Variants in FRAS1 observed in about 807,000 individuals in gnomAD.
FRAS1 encodes Fraser extracellular matrix complex subunit 1.
In FRAS1, 290 loss-of-function variants were observed where a neutral mutation model predicts 435.2. The ratio of observed to expected loss-of-function variants is 0.67; its 90% CI spans 0.61 to 0.73. The LOEUF is 0.73. Among genes scored for constraint, FRAS1 ranks in the 30% least tolerant of loss-of-function variants. FRAS1 has a pLI of 0.00. For missense variants in FRAS1, 4,860 were observed against 5,001.5 expected (o/e 0.97, Z 0.85); for synonymous variants, 1,800 against 1,851.0 (o/e 0.97, Z 0.71).
At chr4:78,470,901 A>C (rs1475274547) in intron 51 of FRAS1, among the ~76,000 whole-genome samples, 1 of 152,190 alleles carries the variant, frequency 6.6e-6, no homozygotes, top group Non-Finnish European at 1.5e-5. Flanking sequence ...CCTTGCACTC[A>C]TATTTATTGG....
chr4:78,435,965 T>C (rs577883526), intron 38 of FRAS1, among the ~76,000 whole-genome samples: 1 of 152,226 alleles, frequency 6.6e-6, no homozygotes, highest in East Asian at 1.9e-4. Context: ...TTTTATGATA[T>C]TAAGGAAGGG....
At chr4:78,129,072 C>A (rs796606060) in intron 2 of FRAS1, among the ~76,000 whole-genome samples, 1 of 152,086 alleles carries the variant, frequency 6.6e-6, no homozygotes, top group Admixed American at 6.6e-5. Context: ...TGTAGATATG[C>A]GGCATTATTT....
At chr4:78,307,719 C>T (rs112615251) in intron 14 of FRAS1, among the ~76,000 whole-genome samples, 225 of 152,358 alleles carry the variant, frequency 1.5e-3, no homozygotes, top group Non-Finnish European at 2.4e-3. Context: ...TCGGCTGGCG[C>T]ATGGTGCATG....
At chr4:78,112,405 A>C (rs368091141) in intron 2 of FRAS1, among the ~76,000 whole-genome samples, 1 of 152,012 alleles carries the variant, frequency 6.6e-6, no homozygotes, top group African/African-American at 2.4e-5. Context: ...GATTTATTTT[A>C]TTATTATTTT....
At chr4:78,124,902 G>A (rs1217836583) in intron 2 of FRAS1, among the ~76,000 whole-genome samples, 1 of 152,030 alleles carries the variant, frequency 6.6e-6, no homozygotes, top group Non-Finnish European at 1.5e-5. Context: ...AGTCTTGCTA[G>A]TGGTCTATTT....
At chr4:78,535,678 C>T (rs1356056469) in intron 71 of FRAS1, among the ~76,000 whole-genome samples, 1 of 152,196 alleles carries the variant, frequency 6.6e-6, no homozygotes, top group Non-Finnish European at 1.5e-5. Context: ...TTTTAGGTGC[C>T]TATCTCTCAC....
At chr4:78,071,893 T>C (rs1740369851) in intron 2 of FRAS1, 1 of 152,178 alleles carries the variant, frequency 6.6e-6, no homozygotes, top group Non-Finnish European at 1.5e-5. Context: ...CTTTTAGCAG[T>C]TGTGAGAAAA....
At chr4:78,170,115 A>T (rs1055254260) in intron 2 of FRAS1, among the ~76,000 whole-genome samples, 6 of 152,118 alleles carry the variant, frequency 3.9e-5, no homozygotes, top group South Asian at 2.1e-4. Context: ...AGCTTCCAAG[A>T]TCCCTCAATT....
At chr4:78,217,449 C>T (rs144974919) in intron 2 of FRAS1, among the ~76,000 whole-genome samples, 3 of 152,148 alleles carry the variant, frequency 2.0e-5, no homozygotes, top group East Asian at 1.9e-4. Context: ...CTGTTCTGTG[C>T]GGGACTGCCA....
At chr4:78,102,343 T>C (rs887415911) in intron 2 of FRAS1, among the ~76,000 whole-genome samples, 3 of 152,204 alleles carry the variant, frequency 2.0e-5, no homozygotes, top group African/African-American at 7.2e-5. Flanking sequence ...GCCCAGAATC[T>C]GTCAGACAGG....
At chr4:78,081,588 G>T (rs1280540932) in intron 2 of FRAS1, among the ~76,000 whole-genome samples, 1 of 152,122 alleles carries the variant, frequency 6.6e-6, no homozygotes, top group Non-Finnish European at 1.5e-5. Context: ...ATTGAGTTCA[G>T]ACTTTCTGAG....
intron 9 of FRAS1, among the ~76,000 whole-genome samples, chr4:78,272,317 G>T (rs1274186826): frequency 2.0e-5 from 3 of 152,094 alleles, no homozygotes; most frequent in African/African-American, 7.2e-5. Flanking sequence ...TTAGTTTAAT[G>T]AGATCCCATT....
chr4:78,374,784 T>C (rs1431431645), intron 25 of FRAS1, among the ~76,000 whole-genome samples: 1 of 152,230 alleles, frequency 6.6e-6, no homozygotes, highest in Admixed American at 6.5e-5. Flanking sequence ...CTATCAAAAC[T>C]TGGTTCGTAT....
rs369980679 is a variant in FRAS1, at chr4:78,379,974, G to C, written c.3541G>C (p.Val1181Leu). 2.5e-6 allele frequency: 4 copies of C among 1,612,938 alleles called. No individual in the cohort carries two copies. The highest frequency in any genetic ancestry group is 3.4e-6 in the Non-Finnish European group (4 of 1,179,592). ...KDVNEKKVRFVHSKEKLRKGY... is the reference protein window; with the variant it reads ...KDVNEKKVRFLHSKEKLRKGY... ...TGTGAACGAGAAGAAAGTGCGTTTT[G>C]TGCACAGCAAAGAAAAACTCAGGTG... Residue 1181 changes from valine (V) to leucine (L), a missense_variant, in exon 27 of 74, where the codon GTG (valine) becomes CTG (leucine). Physicochemically the swap from Val to Leu is conservative, Grantham distance 32. Coordinates refer to ENST00000512123, the MANE Select transcript of FRAS1 (RefSeq NM_025074.7).
chr4:78,304,575 C>A (rs1728603865), intron 14 of FRAS1, among the ~76,000 whole-genome samples: 1 of 151,946 alleles, frequency 6.6e-6, no homozygotes, highest in Admixed American at 6.5e-5. Context: ...GATTCAACTT[C>A]TTCCTGGTTT....
intron 2 of FRAS1, among the ~76,000 whole-genome samples, chr4:78,140,715 G>A (rs1237062427): frequency 6.9e-5 from 10 of 144,438 alleles, no homozygotes; most frequent in African/African-American, 2.7e-4. Context: ...ATATACGTGT[G>A]TGTATATGTA....
chr4:78,182,871 C>T (rs1251919273), intron 2 of FRAS1, among the ~76,000 whole-genome samples: 4 of 136,720 alleles, frequency 2.9e-5, no homozygotes, highest in African/African-American at 1.1e-4. Flanking sequence ...CAGAGGGAGA[C>T]CCTGTCTCAA....
At chr4:78,539,252 C>T (rs1283949132) in intron 72 of FRAS1, 42 bp from the exon 73 acceptor site, 1 of 1,593,972 alleles carries the variant, frequency 6.3e-7, no homozygotes, top group Non-Finnish European at 8.5e-7. Context: ...TATAGTGGAA[C>T]CATCTTTCTA....
chr4:78,145,472 T>A (rs1720377418), intron 2 of FRAS1, among the ~76,000 whole-genome samples: 1 of 152,154 alleles, frequency 6.6e-6, no homozygotes, highest in South Asian at 2.1e-4. Context: ...TTTTAGTTTT[T>A]ATGTTCACAA....
Sources: gnomAD v4.1 joint callset for allele counts (sites outside exome capture counted in the v4.1 genomes callset) on GRCh38, gnomAD v4.1.1 for gene constraint, MANE v1.5 for transcripts, NCBI Gene and HGNC (gene_info 2026-07-23, HGNC 2026-07-21) for gene names.